Variants in GALNT18 observed in about 807,000 individuals in gnomAD.
The protein encoded by GALNT18 is GalNAc-transferase 18.
A neutral mutation model predicts 69.5 loss-of-function variants in GALNT18; 44 were observed. The ratio of observed to expected loss-of-function variants is 0.63; its 90% CI spans 0.50 to 0.81. The LOEUF (loss-of-function observed/expected upper bound fraction) is 0.81, where lower values mean the gene tolerates loss of function less well. GALNT18 is among the 40% of genes least tolerant of loss of function. GALNT18 has a pLI of 0.00. For missense variants in GALNT18, 715 were observed against 810.0 expected (o/e 0.88, Z 1.42); for synonymous variants, 364 against 318.2 (o/e 1.14, Z -1.53).
At chr11:11,615,827 C>G (rs1221648929) in intron 1 of GALNT18, among the ~76,000 whole-genome samples, 1 of 152,166 alleles carries the variant, frequency 6.6e-6, no homozygotes, top group Non-Finnish European at 1.5e-5. Context: ...CAGATCAAAC[C>G]TTCTACAAGT....
rs903788809 is a variant in GALNT18 at position 11,538,503 on chromosome 11, C to A, written c.235+82856G>T. Among the ~76,000 whole-genome samples the A allele has an allele frequency of 1.3e-5, 2 of 152,240 alleles. No homozygotes were observed. The highest frequency in any genetic ancestry group is 4.8e-5 in the African/African-American group (2 of 41,466). ...GTGGGAGAGACCAGCATACCACAAG[C>A]ACCCTGTGGCCTCAGCAACTAGTGT... On this transcript the variant is annotated intron_variant, in intron 1 of 10. Coordinates refer to ENST00000227756, the MANE Select transcript of GALNT18 (RefSeq NM_198516.3). This position sits in a 1 kb window ranked among gnomAD's most constrained non-coding sequence, Gnocchi z 5.2.
chr11:11,506,530 A>G (rs1201791101), intron 1 of GALNT18, among the ~76,000 whole-genome samples: 1 of 152,208 alleles, frequency 6.6e-6, no homozygotes, highest in Admixed American at 6.5e-5. Context: ...TGCACTGAAG[A>G]CAGTGCTCAT....
intron 1 of GALNT18, among the ~76,000 whole-genome samples, chr11:11,484,695 G>A (rs189115904): frequency 1.4e-4 from 22 of 151,924 alleles, no homozygotes; most frequent in Admixed American, 3.9e-4. Flanking sequence ...TAGATGGAGC[G>A]TGCAGAAAGT....
chr11:11,510,648 A>C (rs951061037), intron 1 of GALNT18, among the ~76,000 whole-genome samples: 2 of 152,188 alleles, frequency 1.3e-5, no homozygotes, highest in African/African-American at 4.8e-5. Flanking sequence ...AAGAAATAGA[A>C]ATGAAGGTGC....
intron 10 of GALNT18, among the ~76,000 whole-genome samples, chr11:11,279,365 T>TA (rs1203489275): frequency 1.3e-5 from 2 of 152,226 alleles, no homozygotes; most frequent in African/African-American, 4.8e-5. Flanking sequence ...CTTCAGTTCT[T>TA]ACAACTGTTG....
rs1170359708 is a variant in GALNT18, at chr11:11,459,133, C to T, written c.236-10197G>A. 1.3e-5 allele frequency among the ~76,000 whole-genome samples: 2 copies of T among 152,200 alleles called. No homozygotes were observed. The highest frequency in any genetic ancestry group is 3.9e-4 in the East Asian group (2 of 5,170). ...AAACATCCTTGAATATGTCAAGTGC[C>T]CTAATAATGGTAAGTAAATGCACTA... On this transcript the variant is annotated intron_variant, in intron 1 of 10. Coordinates refer to ENST00000227756, the MANE Select transcript of GALNT18 (RefSeq NM_198516.3). The surrounding 1 kb of genome is among the most constrained non-coding windows in gnomAD (Gnocchi z 5.0).
At position 11,347,664 on chromosome 11, in the gene GALNT18, T is replaced by C. The variant is rs1379449313; in HGVS notation, c.1093-6660A>G. Reference sequence around the variant, plus strand: ...TGGCAAACTGTTCCCACTGTTCTCTTAGCCCAGAAAGCCTCCTTCCTGCTC... The same window carrying C: ...TGGCAAACTGTTCCCACTGTTCTCTCAGCCCAGAAAGCCTCCTTCCTGCTC... On this transcript the variant is annotated intron_variant, in intron 6 of 10. Transcript: ENST00000227756. This position sits in a 1 kb window ranked among gnomAD's most constrained non-coding sequence, Gnocchi z 4.0. Among the ~76,000 whole-genome samples the C allele has an allele frequency of 6.6e-6, 1 of 152,214 alleles. No individual in the cohort carries two copies. The highest frequency in any genetic ancestry group is 1.5e-5 in the Non-Finnish European group (1 of 68,036).
At chr11:11,384,922 C>A (rs993368204) in intron 3 of GALNT18, among the ~76,000 whole-genome samples, 2 of 152,206 alleles carry the variant, frequency 1.3e-5, no homozygotes, top group Admixed American at 6.5e-5. Context: ...GCATATTGGT[C>A]CATTTGTGTA....
chr11:11,512,416 T>C (rs1857183639), intron 1 of GALNT18, among the ~76,000 whole-genome samples: 1 of 152,218 alleles, frequency 6.6e-6, no homozygotes, highest in African/African-American at 2.4e-5. Context: ...AGATTCTCTC[T>C]GGATTTCACT....
chr11:11,367,800 T>C (rs909462327), intron 6 of GALNT18, among the ~76,000 whole-genome samples: 2 of 152,248 alleles, frequency 1.3e-5, no homozygotes, highest in Non-Finnish European at 2.9e-5. Flanking sequence ...ATCAGAAATT[T>C]AACAAGTCTT....
rs148300621 is a variant in GALNT18 at position 11,322,716 on chromosome 11, A to G, written c.1512+4370T>C. Among the ~76,000 whole-genome samples the G allele has an allele frequency of 1.7e-3, 266 of 152,344 alleles. 1 individual carries two copies. The highest frequency in any genetic ancestry group is 6.1e-3 in the African/African-American group (252 of 41,584). On this transcript the variant is annotated intron_variant, in intron 9 of 10. Transcript: ENST00000227756. ...GGGAGAAGTAAAAATTGGTACAACA[A>G]TTTTGGAAAATTGTTTGGCAGTTTA...
At chr11:11,490,227 T>TAACACACACACA (rs879361945) in intron 1 of GALNT18, among the ~76,000 whole-genome samples, 1 of 74,392 alleles carries the variant, frequency 1.3e-5, no homozygotes, top group African/African-American at 5.3e-5. Context: ...TCTCTCTCTC[T>TAACACACACACA]CTCTCTAACA....
intron 2 of GALNT18, among the ~76,000 whole-genome samples, chr11:11,437,169 A>T (rs567580367): frequency 1.3e-5 from 2 of 152,306 alleles, no homozygotes; most frequent in South Asian, 4.1e-4. Context: ...ACACTCTGGG[A>T]CCAGCCCTTC....
chr11:11,322,106 C>T (rs557341088), intron 9 of GALNT18, among the ~76,000 whole-genome samples: 1 of 152,290 alleles, frequency 6.6e-6, no homozygotes, highest in South Asian at 2.1e-4. Flanking sequence ...TACTACATAC[C>T]AGGTATGGTT....
At position 11,621,256 on chromosome 11, in the gene GALNT18, C is replaced by G. The variant is rs2133980333; in HGVS notation, c.235+103G>C. 1 of 926,970 alleles carries G rather than the reference C, an allele frequency of 1.1e-6. No individual in the cohort carries two copies. Among genetic ancestry groups the G allele is most frequent in the South Asian group, 1.5e-5 (1 of 65,294 alleles). 57.4% of individuals were successfully genotyped at this position (926,970 alleles called of 1,614,324 possible). A position where few individuals can be genotyped will look rare whatever the true frequency, so the allele number is the denominator to read the frequency against. ...CTACCACGCATCTGCGGCCCCAGAG[C>G]CCCGCCGTGGCTGAGTTGATGCGCA... On this transcript the variant is annotated intron_variant, in intron 1 of 10. Coordinates refer to ENST00000227756, the MANE Select transcript of GALNT18 (RefSeq NM_198516.3). The surrounding 1 kb of genome is among the most constrained non-coding windows in gnomAD (Gnocchi z 9.3).
chr11:11,287,909 T>G (rs1849222750), intron 10 of GALNT18, among the ~76,000 whole-genome samples: 1 of 152,168 alleles, frequency 6.6e-6, no homozygotes, highest in South Asian at 2.1e-4. Context: ...CATCATCTAA[T>G]CCATCATTGT....
intron 1 of GALNT18, among the ~76,000 whole-genome samples, chr11:11,504,151 C>A (rs982442692): frequency 1.3e-5 from 2 of 152,178 alleles, no homozygotes; most frequent in African/African-American, 2.4e-5. Flanking sequence ...GCATGTGCCA[C>A]AGAGCCTGCA....
At chr11:11,334,963 C>T (rs370177103) in intron 7 of GALNT18, among the ~76,000 whole-genome samples, 8 of 152,348 alleles carry the variant, frequency 5.3e-5, no homozygotes, top group African/African-American at 1.9e-4. Context: ...TAAGTATTAA[C>T]CCTTCACACT....
intron 2 of GALNT18, among the ~76,000 whole-genome samples, chr11:11,437,368 G>A (rs1855426365): frequency 6.6e-6 from 1 of 152,164 alleles, no homozygotes; most frequent in East Asian, 1.9e-4. Flanking sequence ...GAGGGATATG[G>A]TTGTCTAATA....
Sources: allele counts gnomAD v4.1 joint callset (sites outside exome capture counted in the v4.1 genomes callset), GRCh38; gene constraint gnomAD v4.1.1; non-coding constraint Gnocchi (gnomAD v3.1); transcripts MANE v1.5; gene names NCBI Gene and HGNC (gene_info 2026-07-23, HGNC 2026-07-21).